Variants in PI15 observed in about 807,000 individuals in gnomAD.
The protein encoded by PI15 is 25 kDa trypsin inhibitor.
Under a neutral mutation model 31.0 loss-of-function variants are expected in PI15, and 18 were observed. The ratio of observed to expected loss-of-function variants is 0.58; its 90% CI spans 0.40 to 0.86. The LOEUF (loss-of-function observed/expected upper bound fraction) is 0.86. Among genes scored for constraint, PI15 ranks in the 40% least tolerant of loss-of-function variants. The pLI is 0.00. For synonymous variants in PI15, 118 were observed against 119.1 expected, an observed-to-expected ratio of 0.99 and a Z score of 0.06; for missense variants, 282 against 328.1, an observed-to-expected ratio of 0.86 and a Z score of 1.09.
intron 2 of PI15, among the ~76,000 whole-genome samples, chr8:74,833,334 T>C (rs746415572): frequency 6.6e-6 from 1 of 152,142 alleles, no homozygotes; most frequent in Non-Finnish European, 1.5e-5. Context: ...TCTACAGAGA[T>C]GAATTAATAT....
intron 2 of PI15, among the ~76,000 whole-genome samples, chr8:74,842,402 A>G (rs1810957532): frequency 6.6e-6 from 1 of 152,168 alleles, no homozygotes; most frequent in Non-Finnish European, 1.5e-5. Flanking sequence ...TCCAGGTAGA[A>G]TAATATATAA....
At chr8:74,843,459 G>A (rs1810973414) in intron 2 of PI15, among the ~76,000 whole-genome samples, 2 of 152,190 alleles carry the variant, frequency 1.3e-5, no homozygotes, top group East Asian at 1.9e-4. Flanking sequence ...CTGGAGTGGT[G>A]GCTCATGCCT....
chr8:74,827,481 G>A (rs1367387218), intron 2 of PI15, among the ~76,000 whole-genome samples: 1 of 151,960 alleles, frequency 6.6e-6, no homozygotes, highest in Non-Finnish European at 1.5e-5. Context: ...TTCCATAGAC[G>A]ATCTCATTTG....
At chr8:74,826,246 AT>A (rs1810698369) in intron 2 of PI15, 1 of 841,066 alleles carries the variant, frequency 1.2e-6, no homozygotes, top group African/African-American at 1.8e-5. Context: ...TAAAATTTTT[AT>A]TTGGTTTTGA....
At chr8:74,844,312 A>G (rs1810988787) in intron 3 of PI15, among the ~76,000 whole-genome samples, 1 of 151,822 alleles carries the variant, frequency 6.6e-6, no homozygotes, top group Admixed American at 6.6e-5. Flanking sequence ...CACCCTTGGA[A>G]CACCTTCCCT....
chr8:74,844,431 GT>G (rs1446299828), intron 3 of PI15, among the ~76,000 whole-genome samples: 3 of 75,680 alleles, frequency 4.0e-5, no homozygotes, highest in African/African-American at 1.8e-4. Flanking sequence ...CAGAGGCTGT[GT>G]GTGTGTGTGT....
chr8:74,826,321 AG>A (rs1403149667), intron 2 of PI15: 3 of 971,532 alleles, frequency 3.1e-6, no homozygotes, highest in African/African-American at 3.5e-5. Flanking sequence ...AGCCTGTTTA[AG>A]GCAATGAAGA....
intron 5 of PI15, among the ~76,000 whole-genome samples, chr8:74,847,853 C>T (rs545080365): frequency 6.6e-6 from 1 of 152,086 alleles, no homozygotes; most frequent in South Asian, 2.1e-4. Context: ...ACATTTTAGC[C>T]TCTTACCTAT....
chr8:74,831,489 G>C (rs551298508), intron 2 of PI15, among the ~76,000 whole-genome samples: 3 of 152,090 alleles, frequency 2.0e-5, no homozygotes, highest in Non-Finnish European at 4.4e-5. Flanking sequence ...TGTGACTGTG[G>C]TGCTCTGGGG....
chr8:74,840,152 T>C (rs1255366353), intron 2 of PI15, among the ~76,000 whole-genome samples: 1 of 152,198 alleles, frequency 6.6e-6, no homozygotes, highest in African/African-American at 2.4e-5. Flanking sequence ...GATAATTTAA[T>C]ACATTCATAT....
chr8:74,854,383 G>C lies in PI15; in HGVS notation c.*5130G>C, dbSNP rs1158205964. The C allele has an allele frequency of 1.3e-5, 2 of 151,982 alleles. No individual in the cohort carries two copies. Among genetic ancestry groups the C allele is most frequent in the Admixed American group, 6.6e-5 (1 of 15,246 alleles). 9.4% of individuals were successfully genotyped at this position (151,982 alleles called of 1,614,324 possible). ...ATCACATGCAAAACTCCAACCTGTA[G>C]TATACATAAAATGGACTTACTTATT... is the stretch of plus-strand genomic sequence containing the variant. On this transcript the variant is annotated 3_prime_UTR_variant, in exon 6 of 6. Transcript: ENST00000260113.
rs1406239087 is a variant in PI15 at position 74,844,072 on chromosome 8, G to T, written c.365G>T (p.Gly122Val). ...CCTTCTTACTTACTGAGATTTTTGG[G>T]CCAAAATCTATCTGTACGCACTGGA... Reference protein sequence around the residue: ...HGPSYLLRFLGQNLSVRTGRY... With the variant: ...HGPSYLLRFLVQNLSVRTGRY... The change falls in exon 3 of 6, where the codon GGC becomes GTC. Residue 122 changes from glycine (G) to valine (V), a missense_variant. Gly to Val is a moderately radical substitution (Grantham distance 109). Coordinates refer to ENST00000260113, the MANE Select transcript of PI15 (RefSeq NM_015886.5). 6.4e-7 allele frequency: 1 copy of T among 1,565,868 alleles called. No individual in the cohort carries two copies. The highest frequency in any genetic ancestry group is 1.7e-5 in the Admixed American group (1 of 59,930).
In PI15 at chr8:74,849,850, C is replaced by T. The variant is rs924773448; in HGVS notation, c.*597C>T. ...TCAATTAAGCAACCACGAATTTCAC[C>T]CTGGAGATATTTTTTCTTATTTGAG... On this transcript the variant is annotated 3_prime_UTR_variant, in exon 6 of 6. Coordinates refer to ENST00000260113, the MANE Select transcript of PI15 (RefSeq NM_015886.5). The T allele has an allele frequency of 6.6e-6, 1 of 151,952 alleles. No homozygotes were observed. Among genetic ancestry groups the T allele is most frequent in the Non-Finnish European group, 1.5e-5 (1 of 67,972 alleles). The allele number at this position is 151,952 out of a possible 1,614,324, so 9.4% of individuals were successfully genotyped here.
intron 2 of PI15, among the ~76,000 whole-genome samples, chr8:74,831,025 C>T (rs138373033): frequency 6.6e-5 from 10 of 152,260 alleles, no homozygotes; most frequent in East Asian, 3.9e-4. Flanking sequence ...TTTTCTTCCA[C>T]GGTGCACGTT....
chr8:74,845,453 T>C lies in PI15; in HGVS notation c.597T>C (p.Ser199=), dbSNP rs755649401. 6.2e-7 allele frequency: 1 copy of C among 1,614,028 alleles called. No individual in the cohort carries two copies. ...GCCAAAACATGAATGTTTGGGGATC[T>C]GTGTGGCGACGTGCAGTTTACTTGG... ...HTCQNMNVWG[S]VWRRAVYLVC... The change falls in exon 5 of 6, where the codon TCT becomes TCC. Residue 199 remains serine, a synonymous_variant. Transcript: ENST00000260113.
At chr8:74,838,715 A>G (rs1324589138) in intron 2 of PI15, among the ~76,000 whole-genome samples, 1 of 152,100 alleles carries the variant, frequency 6.6e-6, no homozygotes, top group Non-Finnish European at 1.5e-5. Context: ...TCTACATTTA[A>G]TTTTTATATT....
At chr8:74,827,268 CCAAT>C (rs2128763248) in intron 2 of PI15, among the ~76,000 whole-genome samples, 1 of 133,956 alleles carries the variant, frequency 7.5e-6, no homozygotes, top group South Asian at 2.3e-4. Context: ...ACAATACTAA[CCAAT>C]CAAAGAATGC....
rs938277153 is a variant in PI15, at chr8:74,824,608, T to C, written c.-108T>C. 2.6e-5 allele frequency: 4 copies of C among 152,390 alleles called. No homozygotes were observed. The highest frequency in any genetic ancestry group is 4.1e-4 in the South Asian group (2 of 4,844). 9.4% of individuals were successfully genotyped at this position (152,390 alleles called of 1,614,324 possible). ...GACACACTCCTCTTACAAGAGTTCA[T>C]GCTACCACATAGCAAAGAACCTTAA... On this transcript the variant is annotated 5_prime_UTR_variant, in exon 1 of 6. The change abolishes an upstream ATG in the 5' untranslated region. Transcript: ENST00000260113.
chr8:74,824,980 C>A (rs1387522932), intron 1 of PI15: 1 of 425,128 alleles, frequency 2.4e-6, no homozygotes, highest in Non-Finnish European at 4.2e-6. Context: ...AGTGGTCATG[C>A]TGTTTATTTT....
Sources: gnomAD v4.1 joint callset for allele counts (sites outside exome capture counted in the v4.1 genomes callset) on GRCh38, gnomAD v4.1.1 for gene constraint, MANE v1.5 for transcripts, NCBI Gene and HGNC (gene_info 2026-07-23, HGNC 2026-07-21) for gene names.